The following ATP6V1H variants were observed in gnomAD, a reference collection of about 807,000 sequenced individuals.
ATP6V1H encodes ATPase H+ transporting V1 subunit H.
ATP6V1H carries 39 observed loss-of-function variants against 71.7 expected under a neutral mutation model. The ratio of observed to expected loss-of-function variants is 0.54; its 90% CI spans 0.42 to 0.71. ATP6V1H has a LOEUF of 0.71. Ranked by LOEUF, ATP6V1H falls within the 30% of genes least tolerant of loss-of-function variation. The pLI is 0.00. For synonymous variants in ATP6V1H, 192 were observed against 199.3 expected, an observed-to-expected ratio of 0.96 and a Z score of 0.31; for missense variants, 509 against 594.9, an observed-to-expected ratio of 0.86 and a Z score of 1.50.
chr8:53,739,240 G>T (rs943003855), intron 13 of ATP6V1H, among the ~76,000 whole-genome samples: 4 of 152,100 alleles, frequency 2.6e-5, no homozygotes, highest in Non-Finnish European at 5.9e-5. Context: ...TTGGTAACTT[G>T]ATTATTATCC....
At chr8:53,770,140 C>A (rs935053152) in intron 10 of ATP6V1H, among the ~76,000 whole-genome samples, 1 of 152,076 alleles carries the variant, frequency 6.6e-6, no homozygotes, top group Non-Finnish European at 1.5e-5. Flanking sequence ...AAGCATAGTA[C>A]TTTAACATAA....
At chr8:53,725,532 G>A (rs531548368) in intron 13 of ATP6V1H, among the ~76,000 whole-genome samples, 1 of 148,812 alleles carries the variant, frequency 6.7e-6, no homozygotes, top group East Asian at 2.0e-4. Flanking sequence ...ATTTCCACCT[G>A]ACAGCTAATC....
intron 12 of ATP6V1H, among the ~76,000 whole-genome samples, chr8:53,755,916 C>A (rs1185633076): frequency 5.3e-4 from 72 of 135,148 alleles, no homozygotes; most frequent in Non-Finnish European, 9.9e-4. Context: ...CGCCACTACG[C>A]CCGGCTAATT....
At chr8:53,808,316 G>A (rs899401112) in intron 7 of ATP6V1H, among the ~76,000 whole-genome samples, 2 of 152,178 alleles carry the variant, frequency 1.3e-5, no homozygotes, top group Non-Finnish European at 2.9e-5. Context: ...ACGCTGTCCT[G>A]CCTTCCTCAG....
At chr8:53,778,907 G>A (rs998944414) in intron 9 of ATP6V1H, among the ~76,000 whole-genome samples, 1 of 152,146 alleles carries the variant, frequency 6.6e-6, no homozygotes, top group Non-Finnish European at 1.5e-5. Flanking sequence ...TAAGAATGCT[G>A]GAGTGATATT....
chr8:53,735,333 T>TAACG, intron 13 of ATP6V1H, among the ~76,000 whole-genome samples: 1 of 152,258 alleles, frequency 6.6e-6, no homozygotes, highest in East Asian at 1.9e-4. Context: ...TCGCCTCAGA[T>TAACG]AACGGGCTGG....
intron 9 of ATP6V1H, among the ~76,000 whole-genome samples, chr8:53,785,874 C>G (rs977419287): frequency 2.2e-4 from 33 of 152,326 alleles, no homozygotes; most frequent in African/African-American, 7.7e-4. Flanking sequence ...ACCACAAATG[C>G]TGCTGCTTGA....
In ATP6V1H at chr8:53,801,823, C is replaced by A. The variant is rs142293683; in HGVS notation, c.653G>T (p.Trp218Leu). Residue 218 changes from tryptophan (W) to leucine (L), a missense_variant, in exon 8 of 14, where the codon TGG (tryptophan) becomes TTG (leucine). Transcript: ENST00000359530. Reference sequence around the variant, plus strand: ...CCAATTTACCCCATCTGCTTCCACCCAAGCAAAGCGGTACTCATTGACCCG... The same window carrying A: ...CCAATTTACCCCATCTGCTTCCACCAAAGCAAAGCGGTACTCATTGACCCG... ...MLRVNEYRFA[W>L]VEADGVNCIM... 5.0e-5 allele frequency: 81 copies of A among 1,613,964 alleles called. No individual in the cohort carries two copies. Among genetic ancestry groups the A allele is most frequent in the Non-Finnish European group, 6.3e-5 (74 of 1,179,936 alleles).
intron 1 of ATP6V1H, chr8:53,842,775 G>A (rs573090897): frequency 2.0e-5 from 3 of 152,454 alleles, no homozygotes; most frequent in African/African-American, 7.2e-5. Context: ...CAGTCCTGGA[G>A]AAGGTATACT....
At chr8:53,811,310 T>C in intron 6 of ATP6V1H, 93 bp from the exon 7 acceptor site, 1 of 948,248 alleles carries the variant, frequency 1.1e-6, no homozygotes, top group Non-Finnish European at 1.6e-6. Context: ...ACTTTTCCCC[T>C]AATTCTATGT....
In ATP6V1H at chr8:53,785,095, A is replaced by G. The variant is rs201963957; in HGVS notation, c.870+10552T>C. Among the ~76,000 whole-genome samples the G allele has an allele frequency of 8.0e-4, 122 of 152,212 alleles. 2 individuals are homozygous for G. In the East Asian group the frequency reaches 0.017, roughly 21 times the overall value. ...TTTGAATGTTGGCCTGCCTTGCTAGATTGGGGAAGTTCTCCTGGATAATAT... is the reference window on the plus strand; with the variant it reads ...TTTGAATGTTGGCCTGCCTTGCTAGGTTGGGGAAGTTCTCCTGGATAATAT... On this transcript the variant is annotated intron_variant, in intron 9 of 13. Coordinates refer to ENST00000359530, the MANE Select transcript of ATP6V1H (RefSeq NM_015941.4).
At chr8:53,839,708 C>T (rs1333694813) in intron 2 of ATP6V1H, 2 of 985,308 alleles carry the variant, frequency 2.0e-6, no homozygotes, top group African/African-American at 3.5e-5. Context: ...TGGTTTCCAA[C>T]ACCTACAGCT....
chr8:53,814,815 C>T (rs767172132), intron 5 of ATP6V1H, 49 bp from the exon 6 acceptor site: 1 of 1,287,284 alleles, frequency 7.8e-7, no homozygotes, highest in South Asian at 1.2e-5. Context: ...TTCTAAAAAT[C>T]ACATCATATA....
intron 13 of ATP6V1H, among the ~76,000 whole-genome samples, chr8:53,719,234 G>A (rs1470260642): frequency 6.6e-6 from 1 of 152,198 alleles, no homozygotes; most frequent in East Asian, 1.9e-4. Context: ...GCAATGGTGT[G>A]ATCTCAGCTC....
chr8:53,815,499 CTCA>C (rs1488245510), intron 5 of ATP6V1H, among the ~76,000 whole-genome samples: 2 of 152,142 alleles, frequency 1.3e-5, no homozygotes, highest in Non-Finnish European at 2.9e-5. Context: ...TGCTGGTAGA[CTCA>C]TGTTTGTTCT....
chr8:53,772,121 G>C lies in ATP6V1H; in HGVS notation c.917C>G (p.Ala306Gly), dbSNP rs771122631. 1.9e-6 allele frequency: 3 copies of C among 1,613,684 alleles called. No homozygotes were observed. The highest frequency in any genetic ancestry group is 4.5e-5 in the East Asian group (2 of 44,874). The change falls in exon 10 of 14, where the codon GCC (alanine) becomes GGC (glycine). Residue 306 changes from alanine to glycine, a missense_variant. Physicochemically the swap from Ala to Gly is moderately conservative, Grantham distance 60. This residue lies in a region of ATP6V1H where 212 missense variants were observed against 291.6 expected (regional missense o/e 0.73). Coordinates refer to ENST00000359530, the MANE Select transcript of ATP6V1H (RefSeq NM_015941.4). ...AACTTTGCACTGAATCATAGCCAGG[G>C]CATATTCTTGGCGAGTTTCTCTTTC... ...STERETRQEY[A>G]LAMIQCKVLK...
rs1181487507 is a variant in ATP6V1H, at chr8:53,833,565, AAC to A, written c.114-481_114-480del. ...TTTCCCTCCAGACAGAAAAAAAAAA[AAC>A]AAAACTGATTTTCCTCCTCTCTGGA... On this transcript the variant is annotated intron_variant, in intron 2 of 13. Transcript: ENST00000359530. Among the ~76,000 whole-genome samples the A allele has an allele frequency of 3.0e-4, 45 of 151,812 alleles. 1 individual carries two copies. Among genetic ancestry groups the A allele is most frequent in the African/African-American group, 1.0e-3 (42 of 41,424 alleles).
intron 13 of ATP6V1H, among the ~76,000 whole-genome samples, chr8:53,718,228 G>T (rs2130066553): frequency 6.6e-6 from 1 of 152,260 alleles, no homozygotes; most frequent in Admixed American, 6.5e-5. Context: ...CTCTTGAAGT[G>T]GGGCCAAAGT....
In ATP6V1H at chr8:53,722,469, T is replaced by G. The variant is rs186276416; in HGVS notation, c.1392-6445A>C. Among the ~76,000 whole-genome samples the G allele has an allele frequency of 1.1e-3, 171 of 152,330 alleles. 1 individual carries two copies. The highest frequency in any genetic ancestry group is 2.0e-3 in the Non-Finnish European group (137 of 68,038). ...GAAATGCCTGTGCAGTTATGAGGAC[T>G]TCTAATAAGAACGTTTATTTTCTAT... is the stretch of plus-strand genomic sequence containing the variant. On this transcript the variant is annotated intron_variant, in intron 13 of 13. Transcript: ENST00000359530.
Sources: allele counts gnomAD v4.1 joint callset (sites outside exome capture counted in the v4.1 genomes callset), GRCh38; gene constraint gnomAD v4.1.1; regional missense constraint gnomAD v4.1.1; transcripts MANE v1.5; gene names NCBI Gene and HGNC (gene_info 2026-07-23, HGNC 2026-07-21).